The following SPG11 variants were observed in gnomAD, a reference collection of about 807,000 sequenced individuals.
The protein encoded by SPG11 is spatacsin.
Under a neutral mutation model 274.0 loss-of-function variants are expected in SPG11, and 222 were observed. That is an observed-to-expected ratio of 0.81 (90% CI 0.73 to 0.91). The LOEUF is 0.91. Ranked by LOEUF, SPG11 falls within the 40% of genes least tolerant of loss-of-function variation. The pLI is 0.00. For missense variants in SPG11, 3,114 were observed against 2,872.7 expected (o/e 1.08, Z -1.92); for synonymous variants, 1,144 against 1,039.7 (o/e 1.10, Z -1.93).
chr15:44,585,983 G>GTTTTT lies in SPG11; in HGVS notation c.4907-138_4907-134dup, dbSNP rs71111868. The GTTTTT allele has an allele frequency of 1.5e-4, 50 of 337,680 alleles. 1 individual carries two copies. The highest frequency in any genetic ancestry group is 2.3e-4 in the Admixed American group (5 of 21,874). The allele number at this position is 337,680 out of a possible 1,614,324, so 20.9% of individuals were successfully genotyped here. A position where few individuals can be genotyped will look rare whatever the true frequency, so the allele number is the denominator to read the frequency against. ...GTGGTTAAAGGAAAAATAAAAAGCT[G>GTTTTT]TTTTTTTTTTTTTTTTTTTTTGAGA... On this transcript the variant is annotated intron_variant, in intron 28 of 39. Coordinates refer to ENST00000261866, the MANE Select transcript of SPG11 (RefSeq NM_025137.4).
intron 30 of SPG11, among the ~76,000 whole-genome samples, chr15:44,579,486 C>T (rs1432114555): frequency 7.1e-6 from 1 of 139,884 alleles, no homozygotes; most frequent in African/African-American, 2.7e-5. Context: ...GAGGTCACAC[C>T]ACTGCACTCT....
rs139423939 is a variant in SPG11 at position 44,584,410 on chromosome 15, T to C, written c.5270A>G (p.His1757Arg). 1.3e-4 allele frequency: 211 copies of C among 1,614,062 alleles called. No individual in the cohort carries two copies. The highest frequency in any genetic ancestry group is 6.3e-4 in the Admixed American group (38 of 59,988). ...TCCAGTTGGGTGCTCACATGCCACA[T>C]GGGCCTGGGTTGAGAAAAAGGAAGA... ...AASSFFSTQA[H>R]VACEHPTGWS... Residue 1757 changes from histidine to arginine, a missense_variant, in exon 30 of 40, where the codon CAT (histidine) becomes CGT (arginine). Coordinates refer to ENST00000261866, the MANE Select transcript of SPG11 (RefSeq NM_025137.4).
intron 10 of SPG11, among the ~76,000 whole-genome samples, chr15:44,628,240 T>A (rs572407398): frequency 6.6e-6 from 1 of 152,212 alleles, no homozygotes; most frequent in African/African-American, 2.4e-5. Flanking sequence ...CAGATAGGAC[T>A]AAAATTAAGT....
At chr15:44,611,086 CCCAGTAAAAAAA>C in intron 17 of SPG11, 101 bp from the exon 18 acceptor site, 3 of 220,802 alleles carry the variant, frequency 1.4e-5, no homozygotes, top group South Asian at 1.3e-4. Context: ...TAACTCTATC[CCCAGTAAAAAAA>C]AAAAAAAAAA....
intron 32 of SPG11, among the ~76,000 whole-genome samples, chr15:44,573,021 C>CAG (rs2082456396): frequency 8.2e-6 from 1 of 122,600 alleles, no homozygotes; most frequent in Non-Finnish European, 1.6e-5. Flanking sequence ...GAGTCTTGCT[C>CAG]TGTCATCCAG....
In SPG11 at chr15:44,660,550, A is replaced by C; in HGVS notation, c.324T>G (p.Gly108=). The part of the protein sequence containing the change: ...PTEKPKLLAL[G]ENYELLIYEF... ...CATAGATAAGCAGTTCATAATTTTCACCAAGAGCGAGCAGTTTGGGCTTTT... is the reference window on the plus strand; with the variant it reads ...CATAGATAAGCAGTTCATAATTTTCCCCAAGAGCGAGCAGTTTGGGCTTTT... The change falls in exon 2 of 40, where the codon GGT becomes GGG. Residue 108 remains glycine, a synonymous_variant. Coordinates refer to ENST00000261866, the MANE Select transcript of SPG11 (RefSeq NM_025137.4). 6.2e-7 allele frequency: 1 copy of C among 1,614,150 alleles called. No individual in the cohort carries two copies.
At chr15:44,653,590 A>C (rs1276461117) in intron 4 of SPG11, among the ~76,000 whole-genome samples, 1 of 151,984 alleles carries the variant, frequency 6.6e-6, no homozygotes, top group African/African-American at 2.4e-5. Flanking sequence ...AGACTATTAA[A>C]ATAGTTCAGT....
At chr15:44,607,398 C>T (rs1307701507) in intron 19 of SPG11, among the ~76,000 whole-genome samples, 4 of 152,180 alleles carry the variant, frequency 2.6e-5, no homozygotes, top group Non-Finnish European at 5.9e-5. Flanking sequence ...TCTCCTACCT[C>T]GGCCTCCAGA....
At chr15:44,603,816 C>G (rs771292287) in intron 20 of SPG11, among the ~76,000 whole-genome samples, 1 of 152,088 alleles carries the variant, frequency 6.6e-6, no homozygotes, top group Non-Finnish European at 1.5e-5. Context: ...AATGTAAATG[C>G]CATGTAGATA....
At chr15:44,618,241 G>T (rs1288610919) in intron 15 of SPG11, among the ~76,000 whole-genome samples, 3 of 151,848 alleles carry the variant, frequency 2.0e-5, no homozygotes, top group African/African-American at 7.3e-5. Flanking sequence ...AGGCGCAGTG[G>T]CTCACGCCTG....
intron 20 of SPG11, among the ~76,000 whole-genome samples, chr15:44,603,284 T>C (rs1335660787): frequency 1.3e-5 from 2 of 152,142 alleles, no homozygotes; most frequent in East Asian, 3.8e-4. Flanking sequence ...GTAGAGACAG[T>C]GTCTTGCTAT....
intron 14 of SPG11, chr15:44,620,686 C>A: frequency 3.3e-6 from 1 of 305,572 alleles, no homozygotes. Flanking sequence ...AGGGATGTGC[C>A]ATCATGACCA....
At chr15:44,601,262 T>G (rs961296186) in intron 20 of SPG11, among the ~76,000 whole-genome samples, 1 of 152,064 alleles carries the variant, frequency 6.6e-6, no homozygotes, top group Non-Finnish European at 1.5e-5. Flanking sequence ...CATAATTGAT[T>G]TTTTATTTTT....
chr15:44,663,637 T>G lies in SPG11; in HGVS notation c.11A>C (p.Glu4Ala). MAA[E>A]EGVASAASAG... ...GGAAGCAGCACTCGCGACCCCTTCC[T>G]CTGCAGCCATCTTGGCCCGGCGGTT... The change falls in exon 1 of 40, where the codon GAG becomes GCG. Residue 4 changes from glutamate to alanine, a missense_variant. Transcript: ENST00000261866. 2 of 1,594,414 alleles carry G rather than the reference T, an allele frequency of 1.3e-6. No homozygotes were observed. Among genetic ancestry groups the G allele is most frequent in the South Asian group, 1.1e-5 (1 of 89,682 alleles).
Position 44,592,340 on chromosome 15 carries a change from G to T in SPG11, c.4734C>A (p.Ser1578Arg). ...CATAATTCCAACTTACCGTTTCAAG[G>T]CTCTTCTGAAACTCCAGAAGTTTAG... Reference protein sequence around the residue: ...AEAKLLEFQKSLETLNTAATK... With the variant: ...AEAKLLEFQKRLETLNTAATK... The change falls in exon 27 of 40, where the codon AGC becomes AGA. Residue 1578 changes from serine to arginine, a missense_variant. By Grantham distance (110) the Ser-to-Arg change is moderately radical. Coordinates refer to ENST00000261866, the MANE Select transcript of SPG11 (RefSeq NM_025137.4). 2 of 1,593,908 alleles carry T rather than the reference G, an allele frequency of 1.3e-6. No individual in the cohort carries two copies.
At position 44,595,374 on chromosome 15, in the gene SPG11, T is replaced by C. The variant is rs1267260382; in HGVS notation, c.4520A>G (p.Gln1507Arg). The change falls in exon 26 of 40, where the codon CAG (glutamine) becomes CGG (arginine). Residue 1507 changes from glutamine (Q) to arginine (R), a missense_variant. Coordinates refer to ENST00000261866, the MANE Select transcript of SPG11 (RefSeq NM_025137.4). ...NVATEAMGHI[Q>R]DSTEDHTWNL... ...CCAGGTATGGTCCTCTGTTGAGTCC[T>C]GAATGTGTCCCATTGCTTCAGTTGC... The C allele has an allele frequency of 5.0e-6, 8 of 1,614,102 alleles. No homozygotes were observed. In the East Asian group the frequency reaches 1.8e-4, roughly 36 times the overall value.
intron 17 of SPG11, among the ~76,000 whole-genome samples, chr15:44,612,309 T>C (rs12324005): frequency 0.02 from 2,998 of 152,294 alleles, 109 homozygotes; most frequent in African/African-American, 0.068. Context: ...ACAGTGAAGA[T>C]AACTGGAACA....
At chr15:44,641,095 C>T (rs1287369097) in intron 7 of SPG11, among the ~76,000 whole-genome samples, 1 of 152,166 alleles carries the variant, frequency 6.6e-6, no homozygotes, top group East Asian at 1.9e-4. Flanking sequence ...TAGCCCATAT[C>T]ATGTATAAGT....
Position 44,563,014 on chromosome 15 carries a change from G to A in SPG11, c.*107C>T. ...ACCCACAAAGGACTGATATGGTACA[G>A]TACCGGGATTGTTCAACTTTAGCAA... On this transcript the variant is annotated 3_prime_UTR_variant, in exon 40 of 40. Transcript: ENST00000261866. 2 of 1,124,176 alleles carry A rather than the reference G, an allele frequency of 1.8e-6. No homozygotes were observed. Among genetic ancestry groups the A allele is most frequent in the Non-Finnish European group, 2.7e-6 (2 of 753,468 alleles). The allele number at this position is 1,124,176 out of a possible 1,614,324, so 69.6% of individuals were successfully genotyped here.
Sources: gnomAD v4.1 joint callset for allele counts (sites outside exome capture counted in the v4.1 genomes callset) on GRCh38, gnomAD v4.1.1 for gene constraint, MANE v1.5 for transcripts, NCBI Gene and HGNC (gene_info 2026-07-23, HGNC 2026-07-21) for gene names.